The following NBEA variants were observed in gnomAD, a reference collection of about 807,000 sequenced individuals.
NBEA encodes lysosomal-trafficking regulator 2.
NBEA carries 44 observed loss-of-function variants against 343.4 expected under a neutral mutation model. That is an observed-to-expected ratio of 0.13 (90% CI 0.10 to 0.16). The LOEUF is 0.16. Among genes scored for constraint, NBEA ranks in the 10% least tolerant of loss-of-function variants. The pLI, the probability that NBEA is intolerant of heterozygous loss-of-function variation, is 1.00. For synonymous variants in NBEA, 1,175 were observed against 1,238.7 expected (o/e 0.95, Z 1.08); for missense variants, 2,555 against 3,631.3 (o/e 0.70, Z 7.62).
rs1477313838 is a variant in NBEA at position 35,647,262 on chromosome 13, T to C, written c.7770+914T>C. 2.0e-5 allele frequency among the ~76,000 whole-genome samples: 3 copies of C among 152,322 alleles called. No homozygotes were observed. In the East Asian group the frequency reaches 5.8e-4, roughly 29 times the overall value. ...AACTGATTTTTCACTATTTTTTTAC[T>C]GAAGTAAACAATTCTTGAAGGTAAA... On this transcript the variant is annotated intron_variant, in intron 51 of 58. Coordinates refer to ENST00000379939, the MANE Select transcript of NBEA (RefSeq NM_001385012.1).
intron 3 of NBEA, 65 bp from the exon 4 acceptor site, chr13:35,045,241 A>G: frequency 5.2e-6 from 7 of 1,351,844 alleles, no homozygotes; most frequent in Non-Finnish European, 6.2e-6. Context: ...AATGGGTAAC[A>G]TGGTATATTA....
chr13:35,589,503 C>A (rs1054699006), intron 46 of NBEA, among the ~76,000 whole-genome samples: 1 of 151,982 alleles, frequency 6.6e-6, no homozygotes, highest in African/African-American at 2.4e-5. Flanking sequence ...CCAGGCACTA[C>A]CTATTACCCA....
At chr13:35,150,793 T>TTAGAG (rs71078083) in intron 18 of NBEA, among the ~76,000 whole-genome samples, 33,570 of 148,220 alleles carry the variant, frequency 0.23, 4,056 homozygotes, top group Admixed American at 0.32. Flanking sequence ...TAATGATATT[T>TTAGAG]TAGAGTAGAG....
chr13:35,185,033 AAG>A (rs2071596519), intron 30 of NBEA, among the ~76,000 whole-genome samples: 1 of 152,144 alleles, frequency 6.6e-6, no homozygotes, highest in African/African-American at 2.4e-5. Flanking sequence ...TCTGTAAAAG[AAG>A]AGAGTTTCCT....
intron 41 of NBEA, among the ~76,000 whole-genome samples, chr13:35,541,249 T>G (rs2078809048): frequency 6.6e-6 from 1 of 151,800 alleles, no homozygotes; most frequent in African/African-American, 2.4e-5. Context: ...TTGTTCCTTC[T>G]GCTTGGTACT....
intron 26 of NBEA, among the ~76,000 whole-genome samples, 177 bp downstream of exon 26, chr13:35,171,629 A>G (rs866017831): frequency 1.3e-5 from 2 of 152,080 alleles, no homozygotes; most frequent in Non-Finnish European, 2.9e-5. Flanking sequence ...TTAAAAAATT[A>G]TGCCTTCACA....
At chr13:35,399,267 A>G (rs1026997294) in intron 38 of NBEA, among the ~76,000 whole-genome samples, 9 of 152,126 alleles carry the variant, frequency 5.9e-5, no homozygotes, top group African/African-American at 1.9e-4. Context: ...TTGCTTTTGT[A>G]TTAGTGTTTT....
intron 41 of NBEA, among the ~76,000 whole-genome samples, chr13:35,488,682 T>C (rs2076392034): frequency 6.6e-6 from 1 of 151,900 alleles, no homozygotes; most frequent in South Asian, 2.1e-4. Context: ...CAGAGGTAAA[T>C]ACTTTTAAAA....
chr13:35,072,953 A>G (rs2063940290), intron 10 of NBEA, among the ~76,000 whole-genome samples: 1 of 152,184 alleles, frequency 6.6e-6, no homozygotes, highest in Non-Finnish European at 1.5e-5. Context: ...CCTGTGATTT[A>G]GTTATGTACT....
rs529836138 is a variant in NBEA, at chr13:35,349,511, G to A, written c.6012+295G>A. Among the ~76,000 whole-genome samples the A allele has an allele frequency of 9.3e-4, 142 of 152,048 alleles. 1 individual carries two copies. Among genetic ancestry groups the A allele is most frequent in the Non-Finnish European group, 1.6e-3 (106 of 67,960 alleles). ...AATAATTTATAATGCAACAATTTTA[G>A]TTATTTTAAGCTAGCAGAGATTTAC... is the stretch of plus-strand genomic sequence containing the variant. On this transcript the variant is annotated intron_variant, in intron 37 of 58. Coordinates refer to ENST00000379939, the MANE Select transcript of NBEA (RefSeq NM_001385012.1).
At chr13:35,627,909 G>T (rs547666680) in intron 48 of NBEA, among the ~76,000 whole-genome samples, 172 bp from the exon 49 acceptor site, 1 of 151,720 alleles carries the variant, frequency 6.6e-6, no homozygotes, top group African/African-American at 2.4e-5. Flanking sequence ...TACTACTGAG[G>T]TAGTATTTTT....
chr13:35,363,025 C>A (rs2040901111), intron 38 of NBEA, among the ~76,000 whole-genome samples: 1 of 151,898 alleles, frequency 6.6e-6, no homozygotes, highest in South Asian at 2.1e-4. Context: ...CCTGGTCCCA[C>A]TCCTGTTTCC....
chr13:35,648,180 C>CTTTT (rs949635885), intron 51 of NBEA, among the ~76,000 whole-genome samples: 3 of 104,154 alleles, frequency 2.9e-5, no homozygotes, highest in Admixed American at 1.0e-4. Flanking sequence ...TGTTTAAACT[C>CTTTT]TTTTTTTTTT....
chr13:35,120,213 G>A (rs527596476), intron 16 of NBEA, among the ~76,000 whole-genome samples: 1 of 152,048 alleles, frequency 6.6e-6, no homozygotes. Flanking sequence ...TCCTACAATT[G>A]AGAGTGCTAT....
intron 34 of NBEA, among the ~76,000 whole-genome samples, chr13:35,266,447 T>G (rs555408322): frequency 6.6e-6 from 1 of 151,956 alleles, no homozygotes; most frequent in South Asian, 2.1e-4. Flanking sequence ...TAAGTGTCCA[T>G]TAACAGATTA....
chr13:35,463,693 T>G (rs1400965640), intron 40 of NBEA, among the ~76,000 whole-genome samples: 3 of 152,252 alleles, frequency 2.0e-5, no homozygotes, highest in Non-Finnish European at 4.4e-5. Flanking sequence ...ACTTACTAAT[T>G]AATGAGTATT....
rs146902237 is a variant in NBEA, at chr13:34,981,989, G to C, written c.294+38875G>C. On this transcript the variant is annotated intron_variant, in intron 1 of 58. Transcript: ENST00000379939. The stretch of plus-strand genomic sequence containing the variant: ...TCTCTCTCTGTCTCTTAAGCTTATG[G>C]TTTATCAACATTATTAATATTATTA... Among the ~76,000 whole-genome samples the C allele has an allele frequency of 3.8e-3, 572 of 150,876 alleles. 3 individuals carry two copies. Among genetic ancestry groups the C allele is most frequent in the African/African-American group, 0.013 (552 of 41,158 alleles).
Position 35,054,089 on chromosome 13 carries a change from C to T in NBEA, c.973-1921C>T. 2.0e-5 allele frequency among the ~76,000 whole-genome samples: 3 copies of T among 152,008 alleles called. 1 individual carries two copies. The Middle Eastern group carries it at 0.01, about 521-fold the overall frequency. ...TACACCAATAAGTATAATAATACAT[C>T]TAGTATTTATCTTAAAACTGTCTTT... On this transcript the variant is annotated intron_variant, in intron 6 of 58. Coordinates refer to ENST00000379939, the MANE Select transcript of NBEA (RefSeq NM_001385012.1).
At chr13:35,113,684 T>G (rs1002072513) in intron 13 of NBEA, among the ~76,000 whole-genome samples, 17 of 152,168 alleles carry the variant, frequency 1.1e-4, no homozygotes, top group African/African-American at 4.1e-4. Flanking sequence ...ATGTGTTATA[T>G]CAACAGTTAG....
Sources: gnomAD v4.1 joint callset for allele counts (sites outside exome capture counted in the v4.1 genomes callset) on GRCh38, gnomAD v4.1.1 for gene constraint, MANE v1.5 for transcripts, NCBI Gene and HGNC (gene_info 2026-07-23, HGNC 2026-07-21) for gene names.